Variants in SOS1 observed in about 807,000 individuals in gnomAD.
SOS1 encodes the protein SOS Ras/Rac guanine nucleotide exchange factor 1, also known as son of sevenless homolog 1.
A neutral mutation model predicts 157.6 loss-of-function variants in SOS1; 25 were observed. The observed-to-expected ratio is 0.16, with a 90% CI of 0.12 to 0.22. The LOEUF (loss-of-function observed/expected upper bound fraction) is 0.22, where lower values mean the gene tolerates loss of function less well. SOS1 is among the 10% of genes least tolerant of loss of function. The probability of loss-of-function intolerance (pLI) is 1.00; values close to 1 mark genes in which losing one functional copy is unlikely to be tolerated. For synonymous variants in SOS1, 528 were observed against 534.0 expected (o/e 0.99, Z 0.16); for missense variants, 1,237 against 1,599.1 (o/e 0.77, Z 3.86).
Position 39,013,847 on chromosome 2 carries a change from T to G in SOS1, c.2063+20A>C. 1 of 1,604,360 alleles carries G rather than the reference T, an allele frequency of 6.2e-7. No homozygotes were observed. Among genetic ancestry groups the G allele is most frequent in the Non-Finnish European group, 8.5e-7 (1 of 1,171,828 alleles). On this transcript the variant is annotated intron_variant, in intron 12 of 22. Coordinates refer to ENST00000402219, the MANE Select transcript of SOS1 (RefSeq NM_005633.4). ...GAAAGTTTGATAAAGACTTATTTAC[T>G]TCATTTATTTAATGCTTACCGCAGT... is the stretch of plus-strand genomic sequence containing the variant.
intron 6 of SOS1, among the ~76,000 whole-genome samples, chr2:39,038,732 C>A (rs369659527): frequency 4.8e-3 from 87 of 18,140 alleles, no homozygotes; most frequent in Middle Eastern, 0.062. Context: ...GACTCCGTCT[C>A]AAAAAAAAAA....
chr2:38,987,650 C>A, intron 21 of SOS1, 59 bp from the exon 22 acceptor site: 1 of 838,196 alleles, frequency 1.2e-6, no homozygotes, highest in Non-Finnish European at 2.0e-6. Flanking sequence ...ATTTATTTAC[C>A]TTGAAAAGTC....
intron 1 of SOS1, among the ~76,000 whole-genome samples, chr2:39,093,319 C>G (rs911154505): frequency 8.5e-5 from 13 of 152,180 alleles, no homozygotes; most frequent in African/African-American, 3.1e-4. Context: ...TAAACAACTT[C>G]TAGTGTTATT....
chr2:39,080,940 C>T (rs1299774477), intron 1 of SOS1, among the ~76,000 whole-genome samples: 3 of 152,082 alleles, frequency 2.0e-5, no homozygotes, highest in Non-Finnish European at 2.9e-5. Context: ...AATACCAGCA[C>T]TTTGGAAGGC....
Position 39,007,673 on chromosome 2 carries a change from C to T in SOS1, c.2511-480G>A, listed in dbSNP as rs114700188. 1.1e-3 allele frequency among the ~76,000 whole-genome samples: 175 copies of T among 152,242 alleles called. 2 individuals are homozygous for T. Among genetic ancestry groups the T allele is most frequent in the Middle Eastern group, 6.8e-3 (2 of 294 alleles). On this transcript the variant is annotated intron_variant, in intron 15 of 22. Coordinates refer to ENST00000402219, the MANE Select transcript of SOS1 (RefSeq NM_005633.4). ...TGTTCCTATGTTTCCTACATTTCTA[C>T]GAACAGCATTAAATGTAATGGCAAA...
At chr2:39,102,316 A>C (rs933004618) in intron 1 of SOS1, among the ~76,000 whole-genome samples, 1 of 150,212 alleles carries the variant, frequency 6.7e-6, no homozygotes, top group Admixed American at 6.7e-5. Context: ...TGAGCCTACG[A>C]GTTCAAGACC....
chr2:38,997,955 T>C (rs1014555689), intron 17 of SOS1, among the ~76,000 whole-genome samples: 3 of 152,212 alleles, frequency 2.0e-5, no homozygotes, highest in Admixed American at 1.3e-4. Flanking sequence ...GAGGTTGTTA[T>C]GATTTGCAAT....
At chr2:39,004,531 A>G (rs1669223734) in intron 17 of SOS1, among the ~76,000 whole-genome samples, 1 of 152,038 alleles carries the variant, frequency 6.6e-6, no homozygotes, top group African/African-American at 2.4e-5. Context: ...ATTTCATAAG[A>G]TATTAAAGAT....
At chr2:39,019,598 A>T (rs1465448871) in intron 10 of SOS1, among the ~76,000 whole-genome samples, 1 of 151,734 alleles carries the variant, frequency 6.6e-6, no homozygotes, top group South Asian at 2.1e-4. Flanking sequence ...TATAAATTAG[A>T]TTCCACCTAA....
chr2:39,006,996 G>GA, intron 16 of SOS1, 35 bp downstream of exon 16: 1 of 1,437,144 alleles, frequency 7.0e-7, no homozygotes, highest in Admixed American at 1.7e-5. Context: ...AATAGGGAAT[G>GA]AAAGTTCATT....
At chr2:39,071,962 T>G (rs553841103) in intron 1 of SOS1, among the ~76,000 whole-genome samples, 2 of 152,170 alleles carry the variant, frequency 1.3e-5, no homozygotes, top group South Asian at 4.2e-4. Flanking sequence ...TCTAAGCTAT[T>G]TGAATTTCAA....
In SOS1 at chr2:38,985,684, T is replaced by C. The variant is rs1572795695; in HGVS notation, c.*140A>G. The C allele has an allele frequency of 7.1e-6, 7 of 980,484 alleles. No homozygotes were observed. The highest frequency in any genetic ancestry group is 1.6e-5 in the African/African-American group (1 of 62,056). 60.7% of individuals were successfully genotyped at this position (980,484 alleles called of 1,614,324 possible). ...ATAATTACATCTAGGTTAAAATTCA[T>C]TGTCTTATACTGCATCTTGAAGAAG... On this transcript the variant is annotated 3_prime_UTR_variant, in exon 23 of 23. Transcript: ENST00000402219.
chr2:39,113,358 T>C (rs964504913), intron 1 of SOS1, among the ~76,000 whole-genome samples: 1 of 137,802 alleles, frequency 7.3e-6, no homozygotes, highest in African/African-American at 2.7e-5. Flanking sequence ...ACCTGTCTTC[T>C]TTTTTTTTTT....
At chr2:39,046,582 G>A (rs1316958314) in intron 6 of SOS1, among the ~76,000 whole-genome samples, 7 of 145,458 alleles carry the variant, frequency 4.8e-5, no homozygotes, top group African/African-American at 1.6e-4. Flanking sequence ...TCGGCTCACT[G>A]CAAGCTCCGC....
At chr2:39,003,529 CATG>C (rs1463654785) in intron 17 of SOS1, among the ~76,000 whole-genome samples, 2 of 152,012 alleles carry the variant, frequency 1.3e-5, no homozygotes, top group African/African-American at 4.8e-5. Flanking sequence ...ATTTTGTAAA[CATG>C]ATTAAATATT....
At chr2:39,031,495 C>G (rs965031875) in intron 8 of SOS1, among the ~76,000 whole-genome samples, 1 of 152,064 alleles carries the variant, frequency 6.6e-6, no homozygotes, top group African/African-American at 2.4e-5. Flanking sequence ...TTTGGGAGGC[C>G]GAGGTGGGCA....
chr2:39,077,459 A>G (rs1422289838), intron 1 of SOS1, among the ~76,000 whole-genome samples: 1 of 152,222 alleles, frequency 6.6e-6, no homozygotes, highest in Non-Finnish European at 1.5e-5. Context: ...TCTAAACATT[A>G]TAATTCCTAT....
chr2:38,995,094 C>G lies in SOS1; in HGVS notation c.3346+29G>C, dbSNP rs1276921155. 1.9e-6 allele frequency: 3 copies of G among 1,601,742 alleles called. No homozygotes were observed. The East Asian group carries it at 6.7e-5, about 36-fold the overall frequency. On this transcript the variant is annotated intron_variant, in intron 20 of 22. Transcript: ENST00000402219. ...TAGCATGTATAGTACTAACAAATAC[C>G]TTAATGCACTTAGAATTTTTGCACC...
At position 38,982,971 on chromosome 2, in the gene SOS1, C is replaced by T. The variant is rs1215245638; in HGVS notation, c.*2853G>A. 2 of 152,106 alleles carry T rather than the reference C, an allele frequency of 1.3e-5. No individual in the cohort carries two copies. The highest frequency in any genetic ancestry group is 3.8e-4 in the East Asian group (2 of 5,200). 9.4% of individuals were successfully genotyped at this position (152,106 alleles called of 1,614,324 possible). On this transcript the variant is annotated 3_prime_UTR_variant, in exon 23 of 23. Transcript: ENST00000402219. ...TCAAATTCAGATCCATTAAAGCATCCTTGAGTTGTTAGAGAATAGTAACCT... is the reference window on the plus strand; with the variant it reads ...TCAAATTCAGATCCATTAAAGCATCTTTGAGTTGTTAGAGAATAGTAACCT...
Sources: gnomAD v4.1 joint callset for allele counts (sites outside exome capture counted in the v4.1 genomes callset) on GRCh38, gnomAD v4.1.1 for gene constraint, MANE v1.5 for transcripts, NCBI Gene and HGNC (gene_info 2026-07-23, HGNC 2026-07-21) for gene names.